Variants in MAP3K5 observed in about 807,000 individuals in gnomAD.
MAP3K5 encodes the protein ASK-1.
MAP3K5 carries 56 observed loss-of-function variants against 158.7 expected under a neutral mutation model. That is an observed-to-expected ratio of 0.35 (90% CI 0.28 to 0.44). The LOEUF is 0.44. Ranked by LOEUF, MAP3K5 falls within the 20% of genes least tolerant of loss-of-function variation. The probability of loss-of-function intolerance (pLI) is 1.00; values close to 1 mark genes in which losing one functional copy is unlikely to be tolerated. For synonymous variants in MAP3K5, 579 were observed against 601.7 expected, an observed-to-expected ratio of 0.96 and a Z score of 0.55; for missense variants, 1,294 against 1,674.8, an observed-to-expected ratio of 0.77 and a Z score of 3.97.
chr6:136,594,298 T>C (rs369133257), intron 21 of MAP3K5, among the ~76,000 whole-genome samples: 20 of 152,228 alleles, frequency 1.3e-4, no homozygotes, highest in Admixed American at 1.1e-3. Flanking sequence ...CTGGTAATAG[T>C]AAGGTTGTCT....
intron 17 of MAP3K5, among the ~76,000 whole-genome samples, chr6:136,611,653 C>T (rs1776352210): frequency 6.6e-6 from 1 of 152,248 alleles, no homozygotes; most frequent in African/African-American, 2.4e-5. Context: ...GATCTAACCA[C>T]CACCATCTTG....
intron 1 of MAP3K5, among the ~76,000 whole-genome samples, chr6:136,748,798 A>T (rs1783069191): frequency 6.6e-6 from 1 of 152,242 alleles, no homozygotes; most frequent in Admixed American, 6.5e-5. Context: ...AAATGAGTGT[A>T]AAATATTGTA....
Position 136,577,454 on chromosome 6 carries a change from T to C in MAP3K5, c.3517+2847A>G, listed in dbSNP as rs58659745. 2.9e-3 allele frequency among the ~76,000 whole-genome samples: 436 copies of C among 152,358 alleles called. 3 individuals carry two copies. Among genetic ancestry groups the C allele is most frequent in the African/African-American group, 9.8e-3 (406 of 41,590 alleles). ...AAATGTTTTCAAACAGTAACTTCAG[T>C]TGAAATCAGAAACTCCTAGTGGCCT... On this transcript the variant is annotated intron_variant, in intron 25 of 29. Coordinates refer to ENST00000359015, the MANE Select transcript of MAP3K5 (RefSeq NM_005923.4).
At chr6:136,761,121 G>A (rs752687107) in intron 1 of MAP3K5, among the ~76,000 whole-genome samples, 6 of 152,106 alleles carry the variant, frequency 3.9e-5, no homozygotes, top group Non-Finnish European at 7.4e-5. Flanking sequence ...CCTTGATCAT[G>A]CACCTTCTAG....
chr6:136,678,635 G>A (rs1231115039), intron 7 of MAP3K5, among the ~76,000 whole-genome samples: 1 of 151,966 alleles, frequency 6.6e-6, no homozygotes, highest in Admixed American at 6.6e-5. Context: ...GAAATTTAGT[G>A]GCTATCTTTG....
chr6:136,769,773 A>AAGGG (rs1784108746), intron 1 of MAP3K5, among the ~76,000 whole-genome samples: 2 of 34,028 alleles, frequency 5.9e-5, no homozygotes, highest in Admixed American at 3.8e-4. Flanking sequence ...GGAAGGAAGG[A>AAGGG]AGGAAGGAAG....
At position 136,791,603 on chromosome 6, in the gene MAP3K5, G is replaced by C. The variant is rs76288631; in HGVS notation, c.448+107C>G. 5.1e-3 allele frequency: 6,362 copies of C among 1,236,920 alleles called. 150 individuals are homozygous for C. The highest frequency in any genetic ancestry group is 0.048 in the South Asian group (3,524 of 73,880). The allele number at this position is 1,236,920 out of a possible 1,614,324, so 76.6% of individuals were successfully genotyped here. A position where few individuals can be genotyped will look rare whatever the true frequency, so the allele number is the denominator to read the frequency against. On this transcript the variant is annotated intron_variant, in intron 1 of 29. Transcript: ENST00000359015. Reference sequence around the variant, plus strand: ...AGCGGCGCTCGCTGCCCCCAAAGTGGGGCAAGAAGTAAATGCTTCCCGCCC... The same window carrying C: ...AGCGGCGCTCGCTGCCCCCAAAGTGCGGCAAGAAGTAAATGCTTCCCGCCC...
At chr6:136,751,119 A>AT (rs1340974033) in intron 1 of MAP3K5, among the ~76,000 whole-genome samples, 10 of 147,594 alleles carry the variant, frequency 6.8e-5, no homozygotes, top group African/African-American at 2.2e-4. Context: ...AAATCTGCTG[A>AT]TAATCTCTGC....
chr6:136,743,720 C>T (rs1203645048), intron 1 of MAP3K5, among the ~76,000 whole-genome samples: 1 of 152,200 alleles, frequency 6.6e-6, no homozygotes, highest in East Asian at 1.9e-4. Flanking sequence ...ATTATGTCCA[C>T]ACAAAACTTG....
intron 7 of MAP3K5, among the ~76,000 whole-genome samples, chr6:136,681,118 G>A (rs1779915359): frequency 6.6e-6 from 1 of 152,206 alleles, no homozygotes; most frequent in Non-Finnish European, 1.5e-5. Context: ...AAGCAATTCT[G>A]ATGTTCTCAG....
intron 1 of MAP3K5, among the ~76,000 whole-genome samples, chr6:136,779,627 A>G (rs555892023): frequency 1.1e-4 from 16 of 152,286 alleles, no homozygotes; most frequent in African/African-American, 2.9e-4. Context: ...CTAGCCCTCT[A>G]AAATATAAGG....
Position 136,613,327 on chromosome 6 carries a change from A to G in MAP3K5, c.2279-71T>C. On this transcript the variant is annotated intron_variant, in intron 16 of 29. Coordinates refer to ENST00000359015, the MANE Select transcript of MAP3K5 (RefSeq NM_005923.4). The surrounding 1 kb of genome is among the most constrained non-coding windows in gnomAD (Gnocchi z 4.0). ...CTCTTTAAAGTGTATTAATAATGTAACAGTAATTTAAGCTAACAGTCATTG... is the reference window on the plus strand; with the variant it reads ...CTCTTTAAAGTGTATTAATAATGTAGCAGTAATTTAAGCTAACAGTCATTG... 1 of 1,364,902 alleles carries G rather than the reference A, an allele frequency of 7.3e-7. No homozygotes were observed. The highest frequency in any genetic ancestry group is 1.0e-6 in the Non-Finnish European group (1 of 999,698). The allele number at this position is 1,364,902 out of a possible 1,614,324, so 84.5% of individuals were successfully genotyped here. A position where few individuals can be genotyped will look rare whatever the true frequency, so the allele number is the denominator to read the frequency against.
chr6:136,689,830 T>C (rs1780312449), intron 7 of MAP3K5, among the ~76,000 whole-genome samples: 1 of 152,110 alleles, frequency 6.6e-6, no homozygotes, highest in Non-Finnish European at 1.5e-5. Flanking sequence ...GTATTCTGTT[T>C]TGGCAGCACA....
At chr6:136,580,501 C>A in intron 24 of MAP3K5, 95 bp from the exon 25 acceptor site, 1 of 677,710 alleles carries the variant, frequency 1.5e-6, no homozygotes, top group Non-Finnish European at 2.6e-6. Context: ...TACAAAACAA[C>A]TAAAAAGTTT....
intron 25 of MAP3K5, among the ~76,000 whole-genome samples, chr6:136,569,309 C>T (rs535520298): frequency 6.6e-6 from 1 of 152,258 alleles, no homozygotes; most frequent in South Asian, 2.1e-4. Context: ...AGGTCTTTTC[C>T]TGATCCATGA....
At chr6:136,636,649 T>C (rs1309002161) in intron 14 of MAP3K5, among the ~76,000 whole-genome samples, 1 of 152,064 alleles carries the variant, frequency 6.6e-6, no homozygotes, top group African/African-American at 2.4e-5. Context: ...AAACTAAAAG[T>C]AGGTGTCCAG....
chr6:136,703,220 C>G (rs903086408), intron 3 of MAP3K5, among the ~76,000 whole-genome samples: 1 of 152,184 alleles, frequency 6.6e-6, no homozygotes, highest in Non-Finnish European at 1.5e-5. Flanking sequence ...ACACCTCTCT[C>G]TCAAGTCAGC....
At chr6:136,624,781 C>T (rs1170654144) in intron 14 of MAP3K5, among the ~76,000 whole-genome samples, 1 of 152,050 alleles carries the variant, frequency 6.6e-6, no homozygotes, top group Non-Finnish European at 1.5e-5. Flanking sequence ...TGAAAAATTT[C>T]ATGATCTTAA....
Position 136,613,904 on chromosome 6 carries a change from A to C in MAP3K5, c.2278+255T>G, listed in dbSNP as rs112415657. On this transcript the variant is annotated intron_variant, in intron 16 of 29. Transcript: ENST00000359015. The surrounding 1 kb of genome is among the most constrained non-coding windows in gnomAD (Gnocchi z 4.0). ...CTTCCTCACTTTGGAACACTGGCCCATTCTTTTGGAGTCTGTGTTTCCTGG... is the reference window on the plus strand; with the variant it reads ...CTTCCTCACTTTGGAACACTGGCCCCTTCTTTTGGAGTCTGTGTTTCCTGG... Among the ~76,000 whole-genome samples, 2 of 152,156 alleles carry C rather than the reference A, an allele frequency of 1.3e-5. No homozygotes were observed. Among genetic ancestry groups the C allele is most frequent in the Non-Finnish European group, 2.9e-5 (2 of 68,016 alleles).
Sources: gnomAD v4.1 joint callset for allele counts (sites outside exome capture counted in the v4.1 genomes callset) on GRCh38, gnomAD v4.1.1 for gene constraint, Gnocchi (gnomAD v3.1) non-coding constraint, MANE v1.5 for transcripts, NCBI Gene and HGNC (gene_info 2026-07-23, HGNC 2026-07-21) for gene names.